Variants in KDM1B observed in about 807,000 individuals in gnomAD.
KDM1B encodes lysine demethylase 1B.
KDM1B carries 63 observed loss-of-function variants against 107.4 expected under a neutral mutation model. The observed-to-expected ratio is 0.59, with a 90% CI of 0.48 to 0.72. The LOEUF (loss-of-function observed/expected upper bound fraction) is 0.72, where lower values mean the gene tolerates loss of function less well. Ranked by LOEUF, KDM1B falls within the 30% of genes least tolerant of loss-of-function variation. The pLI is 0.00. For missense variants in KDM1B, 749 were observed against 1,020.8 expected (o/e 0.73, Z 3.63); for synonymous variants, 363 against 363.9 (o/e 1.00, Z 0.03).
intron 6 of KDM1B, among the ~76,000 whole-genome samples, chr6:18,167,759 C>T (rs1259837830): frequency 1.3e-5 from 2 of 152,016 alleles, no homozygotes; most frequent in East Asian, 3.9e-4. Flanking sequence ...CAGACATGAG[C>T]CACAATGCCC....
At chr6:18,207,970 A>G (rs930003843) in intron 16 of KDM1B, among the ~76,000 whole-genome samples, 162 bp from the exon 17 acceptor site, 3 of 152,214 alleles carry the variant, frequency 2.0e-5, no homozygotes, top group African/African-American at 7.2e-5. Flanking sequence ...TATAAATTCT[A>G]ACTCCCTCAG....
Position 18,214,172 on chromosome 6 carries a change from G to C in KDM1B, c.2109+391G>C, listed in dbSNP as rs1357953484. Among the ~76,000 whole-genome samples, 2 of 152,126 alleles carry C rather than the reference G, an allele frequency of 1.3e-5. No individual in the cohort carries two copies. Among genetic ancestry groups the C allele is most frequent in the Non-Finnish European group, 2.9e-5 (2 of 68,036 alleles). ...GTGAGGGAGGGTGTGAGTGTCAGCA[G>C]ATGTGAGAGCTGAGGGAAGGAAGGA... is the stretch of plus-strand genomic sequence containing the variant. On this transcript the variant is annotated intron_variant, in intron 19 of 21. Coordinates refer to ENST00000650836, the MANE Select transcript of KDM1B (RefSeq NM_001364614.2). The surrounding 1 kb of genome is among the most constrained non-coding windows in gnomAD (Gnocchi z 4.4).
In KDM1B at chr6:18,212,631, A is replaced by G. The variant is rs1788927854; in HGVS notation, c.1983+27A>G. 1 of 1,381,320 alleles carries G rather than the reference A, an allele frequency of 7.2e-7. No individual in the cohort carries two copies. Among genetic ancestry groups the G allele is most frequent in the African/African-American group, 1.4e-5 (1 of 70,452 alleles). 85.6% of individuals were successfully genotyped at this position (1,381,320 alleles called of 1,614,324 possible). On this transcript the variant is annotated intron_variant, in intron 18 of 21. Coordinates refer to ENST00000650836, the MANE Select transcript of KDM1B (RefSeq NM_001364614.2). The surrounding 1 kb of genome is among the most constrained non-coding windows in gnomAD (Gnocchi z 5.2). ...TGACTGAAATGACCTCATCCTCAGC[A>G]AGAAAGAGATTAATGTCAGATGATA... is the stretch of plus-strand genomic sequence containing the variant.
intron 21 of KDM1B, among the ~76,000 whole-genome samples, chr6:18,220,195 A>G (rs1789573358): frequency 6.6e-6 from 1 of 152,244 alleles, no homozygotes; most frequent in South Asian, 2.1e-4. Context: ...TACTTCGTTT[A>G]ATATGGTTTA....
intron 6 of KDM1B, among the ~76,000 whole-genome samples, chr6:18,169,579 T>C (rs1785525159): frequency 6.6e-6 from 1 of 152,176 alleles, no homozygotes; most frequent in Non-Finnish European, 1.5e-5. Context: ...TTGCAAGTAT[T>C]TTTTCCTATA....
chr6:18,218,783 C>T (rs1228130105), intron 21 of KDM1B, among the ~76,000 whole-genome samples: 3 of 152,126 alleles, frequency 2.0e-5, no homozygotes, highest in African/African-American at 7.2e-5. Context: ...TTGAAATGTC[C>T]CCTTCCTGAG....
rs1786873589 is a variant in KDM1B at position 18,186,675 on chromosome 6, A to G, written c.573+865A>G. ...AGGGTTAACTGACTCACAGTTCTGC[A>G]TGGCTGGGGAGGCCTCAGGAAACTT... On this transcript the variant is annotated intron_variant, in intron 8 of 21. Transcript: ENST00000650836. The surrounding 1 kb of genome is among the most constrained non-coding windows in gnomAD (Gnocchi z 5.6). 6.6e-6 allele frequency among the ~76,000 whole-genome samples: 1 copy of G among 152,134 alleles called. No individual in the cohort carries two copies. Among genetic ancestry groups the G allele is most frequent in the South Asian group, 2.1e-4 (1 of 4,830 alleles).
At chr6:18,177,854 G>T (rs1201110020) in intron 7 of KDM1B, among the ~76,000 whole-genome samples, 1 of 152,072 alleles carries the variant, frequency 6.6e-6, no homozygotes. Context: ...ATGCTACAAT[G>T]ACAGTATTTG....
chr6:18,171,136 C>G (rs944356189), intron 6 of KDM1B, among the ~76,000 whole-genome samples: 6 of 152,112 alleles, frequency 3.9e-5, no homozygotes, highest in African/African-American at 1.4e-4. Flanking sequence ...ACCTTTCTGA[C>G]AACAAAACTC....
chr6:18,194,445 C>T (rs1266787670), intron 10 of KDM1B, among the ~76,000 whole-genome samples: 1 of 152,156 alleles, frequency 6.6e-6, no homozygotes, highest in Non-Finnish European at 1.5e-5. Context: ...GCTCTGCCGC[C>T]ATGCACCTGC....
Position 18,187,959 on chromosome 6 carries a change from C to T in KDM1B, c.741C>T (p.Ser247=). ...GCGCCGCTGCCACTGGCAATGCCAGCCCTGGGAAGCTGGAGCACTCCAAGG... is the reference window on the plus strand; with the variant it reads ...GCGCCGCTGCCACTGGCAATGCCAGTCCTGGGAAGCTGGAGCACTCCAAGG... ...TNRAAATGNA[S]PGKLEHSKAA... Residue 247 remains serine (S), a synonymous_variant, in exon 9 of 22, where the codon AGC becomes AGT. Transcript: ENST00000650836. 1 of 1,550,528 alleles carries T rather than the reference C, an allele frequency of 6.4e-7. No individual in the cohort carries two copies. The highest frequency in any genetic ancestry group is 8.7e-7 in the Non-Finnish European group (1 of 1,147,006).
intron 5 of KDM1B, among the ~76,000 whole-genome samples, chr6:18,164,809 C>T (rs1785191207): frequency 6.6e-6 from 1 of 152,050 alleles, no homozygotes; most frequent in South Asian, 2.1e-4. Context: ...CCATGCCCAG[C>T]TAATTTTTGT....
At chr6:18,199,419 G>A (rs892546101) in intron 12 of KDM1B, among the ~76,000 whole-genome samples, 1 of 152,144 alleles carries the variant, frequency 6.6e-6, no homozygotes, top group African/African-American at 2.4e-5. Context: ...CTGAAAGATG[G>A]TTAACTTGGG....
chr6:18,160,525 T>C (rs931876005), intron 3 of KDM1B, among the ~76,000 whole-genome samples: 6 of 152,104 alleles, frequency 3.9e-5, no homozygotes, highest in Non-Finnish European at 8.8e-5. Context: ...GATCACAAGG[T>C]CAGGAGATCC....
chr6:18,188,001 C>T lies in KDM1B; in HGVS notation c.783C>T (p.His261=), dbSNP rs781680051. Residue 261 remains histidine, a splice_region_variant and synonymous_variant, in exon 9 of 22, where the codon CAC becomes CAT. Coordinates refer to ENST00000650836, the MANE Select transcript of KDM1B (RefSeq NM_001364614.2). ...ACTCCAAGGCTGCCCTCTCCGTGCA[C>T]GGTGAGAGCCATTCCTGGGACTCCC... is the stretch of plus-strand genomic sequence containing the variant. ...LEHSKAALSV[H]VPGMNRYFQP... 6.0e-5 allele frequency: 93 copies of T among 1,549,910 alleles called. No individual in the cohort carries two copies. The highest frequency in any genetic ancestry group is 1.7e-4 in the Middle Eastern group (1 of 5,998).
In KDM1B at chr6:18,217,725, G is replaced by C. The variant is rs74542809; in HGVS notation, c.2233-8G>C. ...TCCTACTTCATAATTCCTTTCTATT[G>C]GACATAGGAGGTCCCAGATCCCACA... On this transcript the variant is annotated splice_polypyrimidine_tract_variant and splice_region_variant and intron_variant, in intron 20 of 21. Coordinates refer to ENST00000650836, the MANE Select transcript of KDM1B (RefSeq NM_001364614.2). 1.2e-3 allele frequency: 1,895 copies of C among 1,609,876 alleles called. 22 individuals carry two copies. The African/African-American group carries it at 0.02, about 17-fold the overall frequency.
At chr6:18,193,197 A>T (rs1193581951) in intron 10 of KDM1B, among the ~76,000 whole-genome samples, 4 of 148,442 alleles carry the variant, frequency 2.7e-5, no homozygotes, top group Non-Finnish European at 4.5e-5. Context: ...CTCTGTCTAA[A>T]AAAAAAAAAA....
At chr6:18,187,736 G>A (rs962806846) in intron 8 of KDM1B, 56 bp from the exon 9 acceptor site, 22 of 1,166,082 alleles carry the variant, frequency 1.9e-5, no homozygotes, top group African/African-American at 1.5e-5. Context: ...GGCAGAATCT[G>A]CATGTACATT....
At position 18,197,125 on chromosome 6, in the gene KDM1B, T is replaced by A; in HGVS notation, c.1038T>A (p.Val346=). The change falls in exon 11 of 22, where the codon GTT becomes GTA. Residue 346 remains valine, a synonymous_variant. Coordinates refer to ENST00000650836, the MANE Select transcript of KDM1B (RefSeq NM_001364614.2). The surrounding 1 kb of genome is among the most constrained non-coding windows in gnomAD (Gnocchi z 4.5). ...GGGGTCTCGTGCGTATTCGATGCGT[T>A]CAGGAAGTGGAGAGAATACTGTATT... The part of the protein sequence containing the change: ...IVRGLVRIRC[V]QEVERILYFM... 6.2e-7 allele frequency: 1 copy of A among 1,614,146 alleles called. No homozygotes were observed. The highest frequency in any genetic ancestry group is 1.7e-5 in the Admixed American group (1 of 60,010).
Sources: allele counts gnomAD v4.1 joint callset (sites outside exome capture counted in the v4.1 genomes callset), GRCh38; gene constraint gnomAD v4.1.1; non-coding constraint Gnocchi (gnomAD v3.1); transcripts MANE v1.5; gene names NCBI Gene and HGNC (gene_info 2026-07-23, HGNC 2026-07-21).